Variants in ATP10D observed in about 807,000 individuals in gnomAD.
ATP10D encodes ATPase phospholipid transporting 10D (putative).
Under a neutral mutation model 144.8 loss-of-function variants are expected in ATP10D, and 89 were observed. The observed-to-expected ratio is 0.61, with a 90% CI of 0.52 to 0.73. ATP10D has a LOEUF of 0.73. Ranked by LOEUF, ATP10D falls within the 30% of genes least tolerant of loss-of-function variation. ATP10D has a pLI of 0.00. For missense variants in ATP10D, 1,603 were observed against 1,714.8 expected (o/e 0.93, Z 1.15); for synonymous variants, 571 against 615.1 (o/e 0.93, Z 1.06).
At chr4:47,532,573 C>T (rs999309835) in intron 5 of ATP10D, among the ~76,000 whole-genome samples, 1 of 152,168 alleles carries the variant, frequency 6.6e-6, no homozygotes, top group Non-Finnish European at 1.5e-5. Context: ...TAGGTAGATA[C>T]AGTGATTTTC....
intron 2 of ATP10D, among the ~76,000 whole-genome samples, chr4:47,514,789 A>G (rs1048598721): frequency 2.0e-5 from 3 of 152,134 alleles, no homozygotes; most frequent in African/African-American, 7.2e-5. Context: ...AAAAGGCTAG[A>G]GGGTTGATCT....
intron 5 of ATP10D, among the ~76,000 whole-genome samples, chr4:47,527,067 A>G (rs189329464): frequency 3.3e-5 from 5 of 152,292 alleles, no homozygotes; most frequent in East Asian, 3.9e-4. Flanking sequence ...TCAGAAAGGT[A>G]TAATAATCAG....
chr4:47,492,778 T>C (rs781418695), intron 1 of ATP10D, among the ~76,000 whole-genome samples: 8 of 152,186 alleles, frequency 5.3e-5, no homozygotes, highest in Non-Finnish European at 1.2e-4. Context: ...TGAATTTTCC[T>C]TTTTATAGTT....
At chr4:47,577,571 A>T (rs1377979424) in intron 19 of ATP10D, among the ~76,000 whole-genome samples, 3 of 152,156 alleles carry the variant, frequency 2.0e-5, no homozygotes, top group Non-Finnish European at 4.4e-5. Flanking sequence ...GCAAGCTCTC[A>T]ATGTTGTCAT....
Position 47,554,841 on chromosome 4 carries a change from T to C in ATP10D, c.1751T>C (p.Ile584Thr). Reference protein sequence around the residue: ...IQNPPMETLYIIDFFIALAIC... With the variant: ...IQNPPMETLYTIDFFIALAIC... Reference sequence around the variant, plus strand: ...AATCCACCAATGGAAACTTTGTACATTATCGACTTTTTCATTGCATTGGCA... The same window carrying C: ...AATCCACCAATGGAAACTTTGTACACTATCGACTTTTTCATTGCATTGGCA... Residue 584 changes from isoleucine (I) to threonine (T), a missense_variant, in exon 11 of 23, where the codon ATT becomes ACT. By Grantham distance (89) the Ile-to-Thr change is moderately conservative. Transcript: ENST00000273859. 1 of 1,614,166 alleles carries C rather than the reference T, an allele frequency of 6.2e-7. No individual in the cohort carries two copies.
rs1375049585 is a variant in ATP10D at position 47,535,992 on chromosome 4, G to T, written c.974G>T (p.Cys325Phe). 1 of 1,612,956 alleles carries T rather than the reference G, an allele frequency of 6.2e-7. No individual in the cohort carries two copies. Residue 325 changes from cysteine (C) to phenylalanine (F), a missense_variant, in exon 7 of 23, where the codon TGT (cysteine) becomes TTT (phenylalanine). By Grantham distance (205) the Cys-to-Phe change is radical. Transcript: ENST00000273859. ...AGAGCAAACACAGATGTCCTCTGGT[G>T]TGTCATGCTTCTGGTCATAATGTGC... ...ERRANTDVLW[C>F]VMLLVIMCLT... is the part of the protein sequence containing the mutation.
intron 14 of ATP10D, 124 bp downstream of exon 14, chr4:47,561,199 A>T: frequency 1.3e-5 from 16 of 1,251,714 alleles, no homozygotes; most frequent in Non-Finnish European, 1.7e-5. Context: ...TACCCTGTCC[A>T]GTCTGATCTC....
At chr4:47,552,887 T>C (rs1210929147) in intron 10 of ATP10D, among the ~76,000 whole-genome samples, 2 of 152,356 alleles carry the variant, frequency 1.3e-5, no homozygotes, top group East Asian at 1.9e-4. Context: ...TAGCCTCTTC[T>C]TGGAGATTCC....
intron 10 of ATP10D, among the ~76,000 whole-genome samples, chr4:47,552,050 G>A (rs1718758447): frequency 6.6e-6 from 1 of 152,116 alleles, no homozygotes; most frequent in African/African-American, 2.4e-5. Context: ...TTGTTTTATA[G>A]TGCTTTTCAA....
chr4:47,572,863 C>T lies in ATP10D; in HGVS notation c.3241-9C>T, dbSNP rs1428388502. 1 of 1,614,102 alleles carries T rather than the reference C, an allele frequency of 6.2e-7. No homozygotes were observed. Among genetic ancestry groups the T allele is most frequent in the Non-Finnish European group, 8.5e-7 (1 of 1,179,972 alleles). On this transcript the variant is annotated splice_polypyrimidine_tract_variant and intron_variant, in intron 17 of 22. Coordinates refer to ENST00000273859, the MANE Select transcript of ATP10D (RefSeq NM_020453.4). Reference sequence around the variant, plus strand: ...TCAGGATGGCATTCTCTCCCCATTGCATCTGCAGGCTGTGATGGCCAGTGA... The same window carrying T: ...TCAGGATGGCATTCTCTCCCCATTGTATCTGCAGGCTGTGATGGCCAGTGA...
At chr4:47,546,378 G>A (rs1718431518) in intron 9 of ATP10D, among the ~76,000 whole-genome samples, 2 of 152,176 alleles carry the variant, frequency 1.3e-5, no homozygotes, top group Non-Finnish European at 2.9e-5. Context: ...AAGGCCGAGA[G>A]TATGAGTACC....
chr4:47,563,656 A>AGATCTGGAT lies in ATP10D; in HGVS notation c.2746_2754dup (p.Ile916_Met918dup). ...GAAGCTCTTCACAAAGCGGGCATCA[A>AGATCTGGAT]GATCTGGATGCTGACAGGGGACAAG... On this transcript the variant is annotated inframe_insertion, in exon 15 of 23. Transcript: ENST00000273859. 1 of 1,614,070 alleles carries AGATCTGGAT rather than the reference A, an allele frequency of 6.2e-7. No homozygotes were observed. The highest frequency in any genetic ancestry group is 8.5e-7 in the Non-Finnish European group (1 of 1,179,976).
At chr4:47,555,877 C>T (rs1176589776) in intron 11 of ATP10D, among the ~76,000 whole-genome samples, 2 of 152,008 alleles carry the variant, frequency 1.3e-5, no homozygotes, top group African/African-American at 4.8e-5. Context: ...CCTCAGCCTC[C>T]TGAGTTGCTG....
At chr4:47,553,141 A>G (rs375922098) in intron 10 of ATP10D, among the ~76,000 whole-genome samples, 1 of 152,220 alleles carries the variant, frequency 6.6e-6, no homozygotes, top group Non-Finnish European at 1.5e-5. Flanking sequence ...TTCATTGACC[A>G]AATAAAAAAG....
Position 47,558,127 on chromosome 4 carries a change from C to A in ATP10D, c.2288C>A (p.Thr763Lys). The change falls in exon 12 of 23, where the codon ACA (threonine) becomes AAA (lysine). Residue 763 changes from threonine (T) to lysine (K), a missense_variant. By Grantham distance (78) the Thr-to-Lys change is moderately conservative. Transcript: ENST00000273859. ...MVDFAALGPL[T>K]FQLLHILPFD... is the part of the protein sequence containing the mutation. ...GACTTTGCTGCTTTGGGACCATTAA[C>A]ATTTCAACTCCTACACATCCTGCCC... 1 of 1,614,202 alleles carries A rather than the reference C, an allele frequency of 6.2e-7. No homozygotes were observed. The highest frequency in any genetic ancestry group is 2.2e-5 in the East Asian group (1 of 44,876).
intron 15 of ATP10D, among the ~76,000 whole-genome samples, chr4:47,564,538 G>C (rs568623345): frequency 6.6e-6 from 1 of 151,888 alleles, no homozygotes; most frequent in East Asian, 1.9e-4. Flanking sequence ...CAGGGAAATC[G>C]TGCCCTCTTG....
chr4:47,505,955 ATTTACC>A (rs1316755939), intron 1 of ATP10D, among the ~76,000 whole-genome samples: 1 of 152,108 alleles, frequency 6.6e-6, no homozygotes, highest in Non-Finnish European at 1.5e-5. Context: ...ATTATCCTGT[ATTTACC>A]TTTGGTAATC....
chr4:47,584,241 A>G (rs1720671229), intron 21 of ATP10D, among the ~76,000 whole-genome samples: 1 of 152,022 alleles, frequency 6.6e-6, no homozygotes, highest in African/African-American at 2.4e-5. Context: ...TCACCATCTC[A>G]TTGCCACCTC....
intron 15 of ATP10D, among the ~76,000 whole-genome samples, chr4:47,567,801 A>G (rs571571549): frequency 2.0e-5 from 3 of 152,342 alleles, no homozygotes; most frequent in South Asian, 4.1e-4. Flanking sequence ...TCATGTGCAC[A>G]TGTCCATATC....
Sources: gnomAD v4.1 joint callset for allele counts (sites outside exome capture counted in the v4.1 genomes callset) on GRCh38, gnomAD v4.1.1 for gene constraint, MANE v1.5 for transcripts, NCBI Gene and HGNC (gene_info 2026-07-23, HGNC 2026-07-21) for gene names.